ME1: variants seen among roughly 807,000 people sequenced by gnomAD.
ME1 encodes the protein NADP-dependent malic enzyme.
ME1 carries 74 observed loss-of-function variants against 66.4 expected under a neutral mutation model. The ratio of observed to expected loss-of-function variants is 1.11; its 90% confidence interval spans 0.92 to 1.35. ME1 has a LOEUF of 1.35. Among genes scored for constraint, ME1 ranks in the 40% most tolerant of loss-of-function variants. ME1 has a pLI of 0.00. For synonymous variants in ME1, 251 were observed against 235.6 expected (o/e 1.07, Z -0.60); for missense variants, 750 against 694.1 (o/e 1.08, Z -0.90).
At chr6:83,342,096 T>A (rs1768596504) in intron 5 of ME1, among the ~76,000 whole-genome samples, 1 of 152,094 alleles carries the variant, frequency 6.6e-6, no homozygotes, top group African/African-American at 2.4e-5. Context: ...CAGCCTCTGA[T>A]TGGTTGCTTT....
At chr6:83,222,047 C>T (rs963551117) in intron 12 of ME1, among the ~76,000 whole-genome samples, 4 of 151,750 alleles carry the variant, frequency 2.6e-5, no homozygotes, top group Admixed American at 1.3e-4. Flanking sequence ...GGAGAGTAAA[C>T]TGAAAATATT....
intron 3 of ME1, among the ~76,000 whole-genome samples, chr6:83,388,459 T>C (rs1202712973): frequency 1.3e-5 from 2 of 152,174 alleles, no homozygotes; most frequent in African/African-American, 4.8e-5. Flanking sequence ...ACAATCTATT[T>C]GATCAAGAAA....
intron 3 of ME1, among the ~76,000 whole-genome samples, chr6:83,366,964 T>A (rs1239527215): frequency 6.6e-6 from 1 of 152,208 alleles, no homozygotes; most frequent in African/African-American, 2.4e-5. Flanking sequence ...AATCACTGTC[T>A]ATGGCAGCTA....
chr6:83,281,853 G>GA (rs1562468390), intron 6 of ME1, among the ~76,000 whole-genome samples: 1 of 45,058 alleles, frequency 2.2e-5, no homozygotes, highest in African/African-American at 8.7e-5. Context: ...AAACAAAAAA[G>GA]AGAAAAAAAA....
chr6:83,268,311 A>G (rs191564844), intron 6 of ME1, among the ~76,000 whole-genome samples: 205 of 152,320 alleles, frequency 1.3e-3, no homozygotes, highest in African/African-American at 4.7e-3. Context: ...TAGTAGCTTT[A>G]TTTCAGGGTA....
At chr6:83,352,211 T>A in intron 3 of ME1, 72 bp from the exon 4 acceptor site, 1 of 971,452 alleles carries the variant, frequency 1.0e-6, no homozygotes, top group Non-Finnish European at 1.4e-6. Context: ...ATGAATATCT[T>A]AAATTTTTTT....
At chr6:83,356,775 A>G (rs1324706292) in intron 3 of ME1, among the ~76,000 whole-genome samples, 1 of 152,192 alleles carries the variant, frequency 6.6e-6, no homozygotes, top group Admixed American at 6.5e-5. Flanking sequence ...TATGATTTAA[A>G]TAGCCAACAT....
chr6:83,326,719 A>C (rs1294036608), intron 5 of ME1, among the ~76,000 whole-genome samples: 1 of 152,236 alleles, frequency 6.6e-6, no homozygotes, highest in Non-Finnish European at 1.5e-5. Context: ...TAATTGTTAA[A>C]AAGTCAGGAA....
At chr6:83,233,061 T>A (rs1790333910) in intron 9 of ME1, among the ~76,000 whole-genome samples, 1 of 152,132 alleles carries the variant, frequency 6.6e-6, no homozygotes, top group African/African-American at 2.4e-5. Context: ...ATTTCGTTTA[T>A]TAGTGAGAGC....
At chr6:83,237,302 A>AAG (rs879888443) in intron 9 of ME1, among the ~76,000 whole-genome samples, 1 of 74,274 alleles carries the variant, frequency 1.3e-5, no homozygotes, top group African/African-American at 6.2e-5. Flanking sequence ...GAAAGAAAGA[A>AAG]AAAGAAAGAA....
intron 7 of ME1, among the ~76,000 whole-genome samples, chr6:83,243,982 G>T (rs890181367): frequency 3.3e-5 from 5 of 149,890 alleles, no homozygotes; most frequent in African/African-American, 1.2e-4. Context: ...AAGTTTGAAA[G>T]AAAACTTGAG....
At chr6:83,243,361 ATATAT>A (rs1333759088) in intron 7 of ME1, among the ~76,000 whole-genome samples, 26 of 129,616 alleles carry the variant, frequency 2.0e-4, no homozygotes, top group Admixed American at 4.3e-4. Context: ...TATTTATATA[ATATAT>A]TATATAATAG....
At chr6:83,399,253 C>T (rs373608590) in intron 2 of ME1, among the ~76,000 whole-genome samples, 1 of 152,088 alleles carries the variant, frequency 6.6e-6, no homozygotes, top group South Asian at 2.1e-4. Context: ...GCCTTGGCCT[C>T]CCAAAGTGCT....
intron 2 of ME1, among the ~76,000 whole-genome samples, chr6:83,404,574 T>C (rs765373137): frequency 1.3e-5 from 2 of 152,362 alleles, no homozygotes; most frequent in East Asian, 3.9e-4. Context: ...AGTCATGAAG[T>C]CTTTGCCCAT....
At chr6:83,244,239 G>A (rs1474378295) in intron 7 of ME1, among the ~76,000 whole-genome samples, 2 of 151,974 alleles carry the variant, frequency 1.3e-5, no homozygotes, top group African/African-American at 4.8e-5. Context: ...GATTACCTAA[G>A]GAAATGGCCC....
chr6:83,423,912 C>A (rs1046928576), intron 1 of ME1, among the ~76,000 whole-genome samples: 2 of 151,974 alleles, frequency 1.3e-5, no homozygotes, highest in Non-Finnish European at 2.9e-5. Flanking sequence ...AGTTTCAGAC[C>A]AGTCTGGGGA....
In ME1 at chr6:83,431,050, C is replaced by T; in HGVS notation, c.-96G>A. ...GCTGGGGTGACGGTGCTGACTGCAGCTGTGGCGGCGGCGGCCGCACTGGGA... is the reference window on the plus strand; with the variant it reads ...GCTGGGGTGACGGTGCTGACTGCAGTTGTGGCGGCGGCGGCCGCACTGGGA... On this transcript the variant is annotated 5_prime_UTR_variant, in exon 1 of 14. Coordinates refer to ENST00000369705, the MANE Select transcript of ME1 (RefSeq NM_002395.6). The T allele has an allele frequency of 1.4e-6, 1 of 732,936 alleles. No individual in the cohort carries two copies. Among genetic ancestry groups the T allele is most frequent in the Non-Finnish European group, 1.9e-6 (1 of 514,704 alleles). 45.4% of individuals were successfully genotyped at this position (732,936 alleles called of 1,614,324 possible).
At chr6:83,324,328 A>T (rs1037868979) in intron 5 of ME1, among the ~76,000 whole-genome samples, 1 of 151,784 alleles carries the variant, frequency 6.6e-6, no homozygotes, top group African/African-American at 2.4e-5. Flanking sequence ...GATGAGAAAT[A>T]ACTAAGATCA....
At chr6:83,245,687 C>T (rs1156444213) in intron 7 of ME1, among the ~76,000 whole-genome samples, 2 of 152,218 alleles carry the variant, frequency 1.3e-5, no homozygotes, top group Admixed American at 6.5e-5. Flanking sequence ...GGATTACAGG[C>T]GTGAGCCACC....
Sources: gnomAD v4.1 joint callset for allele counts (sites outside exome capture counted in the v4.1 genomes callset) on GRCh38, gnomAD v4.1.1 for gene constraint, MANE v1.5 for transcripts, NCBI Gene and HGNC (gene_info 2026-07-23, HGNC 2026-07-21) for gene names.